MAP7: variants seen among roughly 807,000 people sequenced by gnomAD.
MAP7 encodes ensconsin.
MAP7 carries 52 observed loss-of-function variants against 94.8 expected under a neutral mutation model. That is an observed-to-expected ratio of 0.55 (90% CI 0.44 to 0.69). The LOEUF (loss-of-function observed/expected upper bound fraction) is 0.69, where lower values mean the gene tolerates loss of function less well. Among genes scored for constraint, MAP7 ranks in the 30% least tolerant of loss-of-function variants. MAP7 has a pLI of 0.00. For synonymous variants in MAP7, 350 were observed against 357.0 expected, an observed-to-expected ratio of 0.98 and a Z score of 0.22; for missense variants, 940 against 964.6, an observed-to-expected ratio of 0.97 and a Z score of 0.34.
At chr6:136,516,589 G>A (rs1824914233) in intron 1 of MAP7, among the ~76,000 whole-genome samples, 1 of 152,112 alleles carries the variant, frequency 6.6e-6, no homozygotes, top group African/African-American at 2.4e-5. Flanking sequence ...TACTTCACCA[G>A]GACACAGATC....
At chr6:136,428,279 G>T (rs1278614648) in intron 1 of MAP7, among the ~76,000 whole-genome samples, 1 of 152,192 alleles carries the variant, frequency 6.6e-6, no homozygotes, top group Non-Finnish European at 1.5e-5. Context: ...ACTTTGGGAG[G>T]CTGAGGTGGG....
At chr6:136,395,830 T>C (rs1191017386) in intron 3 of MAP7, among the ~76,000 whole-genome samples, 3 of 152,208 alleles carry the variant, frequency 2.0e-5, no homozygotes, top group Non-Finnish European at 4.4e-5. Flanking sequence ...CCCCACCGAA[T>C]GTTCTTGGTA....
intron 8 of MAP7, among the ~76,000 whole-genome samples, chr6:136,369,646 A>G (rs1478557235): frequency 6.6e-6 from 1 of 152,216 alleles, no homozygotes; most frequent in Non-Finnish European, 1.5e-5. Flanking sequence ...TATGGTCAAA[A>G]GCTAACACCA....
chr6:136,502,760 G>A (rs1820164814), intron 1 of MAP7, among the ~76,000 whole-genome samples: 1 of 152,170 alleles, frequency 6.6e-6, no homozygotes, highest in South Asian at 2.1e-4. Flanking sequence ...TCTAAGCAGA[G>A]CTCTCCTCTC....
At chr6:136,367,480 C>T (rs1269531109) in intron 8 of MAP7, among the ~76,000 whole-genome samples, 1 of 152,196 alleles carries the variant, frequency 6.6e-6, no homozygotes, top group Non-Finnish European at 1.5e-5. Context: ...TCTTTTCCTT[C>T]CTTTCCCTTT....
At chr6:136,425,746 A>G (rs1475020317) in intron 1 of MAP7, among the ~76,000 whole-genome samples, 2 of 152,202 alleles carry the variant, frequency 1.3e-5, no homozygotes, top group Non-Finnish European at 2.9e-5. Flanking sequence ...ATTATTCCAC[A>G]TAATGGAGAA....
intron 1 of MAP7, among the ~76,000 whole-genome samples, chr6:136,533,936 T>A (rs1478893940): frequency 6.6e-6 from 1 of 152,234 alleles, no homozygotes; most frequent in Non-Finnish European, 1.5e-5. Context: ...ACTTTGCCAC[T>A]CTTTCCATTT....
chr6:136,475,037 C>T (rs1810411795), intron 1 of MAP7, among the ~76,000 whole-genome samples: 1 of 152,148 alleles, frequency 6.6e-6, no homozygotes, highest in South Asian at 2.1e-4. Flanking sequence ...TTTATAATTA[C>T]TTTCCATGAC....
intron 9 of MAP7, 39 bp from the exon 10 acceptor site, chr6:136,366,057 A>G (rs747787001): frequency 1.9e-5 from 30 of 1,584,330 alleles, no homozygotes; most frequent in Middle Eastern, 2.3e-4. Context: ...AAGGGGACAC[A>G]TGAGAACAGG....
chr6:136,466,425 CTTTG>C (rs992847541), intron 1 of MAP7, among the ~76,000 whole-genome samples: 4 of 151,874 alleles, frequency 2.6e-5, no homozygotes, highest in African/African-American at 9.7e-5. Flanking sequence ...CAGCTTCTCA[CTTTG>C]TTTTTGTCAA....
intron 3 of MAP7, among the ~76,000 whole-genome samples, chr6:136,394,941 T>TATATATATA (rs1341899199): frequency 1.0e-5 from 1 of 96,416 alleles, no homozygotes; most frequent in African/African-American, 4.6e-5. Flanking sequence ...CATATATATA[T>TATATATATA]ATATATATAT....
rs116607097 is a variant in MAP7, at chr6:136,494,035, A to C, written c.67+56307T>G. Among the ~76,000 whole-genome samples, 742 of 152,328 alleles carry C rather than the reference A, an allele frequency of 4.9e-3. 7 individuals carry two copies. The highest frequency in any genetic ancestry group is 0.017 in the African/African-American group (712 of 41,576). ...TTACCATTTTTATTTGTACCATATA[A>C]AACCACTTTTCTTTTTTAGAGGCTG... On this transcript the variant is annotated intron_variant, in intron 1 of 17. Coordinates refer to ENST00000354570, the MANE Select transcript of MAP7 (RefSeq NM_003980.6).
intron 1 of MAP7, among the ~76,000 whole-genome samples, chr6:136,461,550 T>C (rs1455908700): frequency 2.0e-5 from 3 of 152,200 alleles, no homozygotes; most frequent in African/African-American, 7.2e-5. Context: ...CTTCATCGCA[T>C]GTTACTTGCT....
intron 1 of MAP7, among the ~76,000 whole-genome samples, chr6:136,471,126 T>C (rs1474241369): frequency 6.6e-6 from 1 of 152,208 alleles, no homozygotes; most frequent in Non-Finnish European, 1.5e-5. Context: ...CAGAGATTCA[T>C]TTTATAAAGA....
intron 7 of MAP7, among the ~76,000 whole-genome samples, chr6:136,377,551 C>T (rs1776525966): frequency 6.6e-6 from 1 of 152,208 alleles, no homozygotes; most frequent in Non-Finnish European, 1.5e-5. Flanking sequence ...CTTCATCAGC[C>T]TGCCTGGCGT....
At chr6:136,359,920 CAAGTGA>C in intron 14 of MAP7, 43 bp from the exon 15 acceptor site, 1 of 1,609,184 alleles carries the variant, frequency 6.2e-7, no homozygotes, top group Non-Finnish European at 8.5e-7. Context: ...ATTAGAGTTA[CAAGTGA>C]AAATGAAAAA....
In MAP7 at chr6:136,530,563, G is replaced by T. The variant is rs181832297; in HGVS notation, c.67+19779C>A. ...TCAAACAACCACTAAGGAACAAAGG[G>T]TCCCAGCTGGTTCTTTGCCACTCTA... is the stretch of plus-strand genomic sequence containing the variant. On this transcript the variant is annotated intron_variant, in intron 1 of 17. Coordinates refer to ENST00000354570, the MANE Select transcript of MAP7 (RefSeq NM_003980.6). Among the ~76,000 whole-genome samples the T allele has an allele frequency of 6.7e-4, 82 of 122,200 alleles. 21 individuals are homozygous for T. Among genetic ancestry groups the T allele is most frequent in the African/African-American group, 4.4e-3 (81 of 18,226 alleles). 80.2% of individuals were successfully genotyped at this position (122,200 alleles called of 152,430 possible). A position where few individuals can be genotyped will look rare whatever the true frequency, so the allele number is the denominator to read the frequency against.
intron 3 of MAP7, among the ~76,000 whole-genome samples, chr6:136,391,555 A>ACAACAAC (rs1554241526): frequency 1.3e-5 from 2 of 149,642 alleles, no homozygotes; most frequent in African/African-American, 4.9e-5. Flanking sequence ...GTATAATAAA[A>ACAACAAC]AACAACAACA....
chr6:136,351,165 A>G (rs956046583), intron 16 of MAP7, among the ~76,000 whole-genome samples: 1 of 151,818 alleles, frequency 6.6e-6, no homozygotes, highest in Non-Finnish European at 1.5e-5. Flanking sequence ...ATCAGTCACA[A>G]TGGAGGTTAA....
Sources: allele counts gnomAD v4.1 joint callset (sites outside exome capture counted in the v4.1 genomes callset), GRCh38; gene constraint gnomAD v4.1.1; transcripts MANE v1.5; gene names NCBI Gene and HGNC (gene_info 2026-07-23, HGNC 2026-07-21).